Variants in OR9G4 observed in about 807,000 individuals in gnomAD.
The protein encoded by OR9G4 is olfactory receptor family 9 subfamily G member 4.
In OR9G4, 19 loss-of-function variants were observed where a neutral mutation model predicts 16.7. The observed-to-expected ratio is 1.14, with a 90% CI of 0.79 to 1.67. OR9G4 has a LOEUF of 1.67. Among genes scored for constraint, OR9G4 ranks in the 40% most tolerant of loss-of-function variants. OR9G4 has a pLI of 0.00. For synonymous variants in OR9G4, 182 were observed against 146.2 expected, an observed-to-expected ratio of 1.24 and a Z score of -1.76; for missense variants, 428 against 370.4, an observed-to-expected ratio of 1.16 and a Z score of -1.28.
rs754818926 is a variant in OR9G4 at position 56,742,912 on chromosome 11, G to A, written c.855C>T (p.Leu285=). 2.5e-6 allele frequency: 4 copies of A among 1,614,052 alleles called. No homozygotes were observed. The Admixed American group carries it at 5.0e-5, about 20-fold the overall frequency. Residue 285 remains leucine, a synonymous_variant, in exon 2 of 2, where the codon CTC becomes CTT. Transcript: ENST00000641668. The part of the protein sequence containing the change: ...ALFYTVINPL[L]NPLIYSLRNK... ...TTCTCAGGCTATAGATGAGAGGGTT[G>A]AGCAGTGGGTTGATCACGGTGTAGA...
chr11:56,747,875 T>C (rs1180933245), intron 1 of OR9G4, among the ~76,000 whole-genome samples: 1 of 152,092 alleles, frequency 6.6e-6, no homozygotes, highest in Non-Finnish European at 1.5e-5. Flanking sequence ...AGGGCTTCAC[T>C]ATGTTGGCCA....
chr11:56,743,507 G>A lies in OR9G4; in HGVS notation c.260C>T (p.Ser87Leu), dbSNP rs1248872445. The A allele has an allele frequency of 6.2e-7, 1 of 1,614,156 alleles. No homozygotes were observed. Among genetic ancestry groups the A allele is most frequent in the Non-Finnish European group, 8.5e-7 (1 of 1,180,024 alleles). The change falls in exon 2 of 2, where the codon TCA becomes TTA. Residue 87 changes from serine (S) to leucine (L), a missense_variant. By Grantham distance (145) the Ser-to-Leu change is moderately radical. Coordinates refer to ENST00000641668, the MANE Select transcript of OR9G4 (RefSeq NM_001005284.2). Reference protein sequence around the residue: ...YTPKILASCVSEDKRISLAGC... With the variant: ...YTPKILASCVLEDKRISLAGC... ...AGCCAAGGAAATGCGCTTATCTTCT[G>A]AGACACAACTGGCCAGGATTTTGGG...
intron 1 of OR9G4, among the ~76,000 whole-genome samples, chr11:56,746,029 C>T (rs1858406223): frequency 6.6e-6 from 1 of 152,020 alleles, no homozygotes. Context: ...CGCGGTGGCT[C>T]ACGCCTGTAA....
Position 56,743,495 on chromosome 11 carries a change from C to A in OR9G4, c.272G>T (p.Arg91Leu), listed in dbSNP as rs754042645. 5.6e-6 allele frequency: 9 copies of A among 1,614,014 alleles called. No individual in the cohort carries two copies. The highest frequency in any genetic ancestry group is 1.3e-5 in the African/African-American group (1 of 74,904). Residue 91 changes from arginine to leucine, a missense_variant, in exon 2 of 2, where the codon CGC becomes CTC. Transcript: ENST00000641668. Reference protein sequence around the residue: ...ILASCVSEDKRISLAGCGAQL... With the variant: ...ILASCVSEDKLISLAGCGAQL... ...AGCCCCACATCCAGCCAAGGAAATG[C>A]GCTTATCTTCTGAGACACAACTGGC...
In OR9G4 at chr11:56,743,744, A is replaced by G. The variant is rs1247649793; in HGVS notation, c.23T>C (p.Ile8Thr). 6.2e-7 allele frequency: 1 copy of G among 1,613,984 alleles called. No homozygotes were observed. Among genetic ancestry groups the G allele is most frequent in the Non-Finnish European group, 8.5e-7 (1 of 1,179,970 alleles). ...ACCCAACAAGATGAATTCAGTCAGG[A>G]TGGTGCAATTTCCCACTTCCATGTC... MEVGNCT[I>T]LTEFILLGFS... Residue 8 changes from isoleucine (I) to threonine (T), a missense_variant, in exon 2 of 2, where the codon ATC becomes ACC. Transcript: ENST00000641668.
Position 56,742,091 on chromosome 11 carries a change from G to C in OR9G4, c.*737C>G, listed in dbSNP as rs980277339. 11 of 152,278 alleles carry C rather than the reference G, an allele frequency of 7.2e-5. No homozygotes were observed. The highest frequency in any genetic ancestry group is 1.6e-4 in the Non-Finnish European group (11 of 68,106). The allele number at this position is 152,278 out of a possible 1,614,324, so 9.4% of individuals were successfully genotyped here. ...AAGAGAAAGGTAACTAGGGAACAGT[G>C]GTTACTATTGTTGTTCATTTGTTTT... On this transcript the variant is annotated 3_prime_UTR_variant, in exon 2 of 2. Coordinates refer to ENST00000641668, the MANE Select transcript of OR9G4 (RefSeq NM_001005284.2).
Position 56,743,379 on chromosome 11 carries a change from A to G in OR9G4, c.388T>C (p.Leu130=). The part of the protein sequence containing the change: ...YDRHAAICNP[L]LYSGTMSTAL... ...GTGGACATGGTACCTGAATAAAGCA[A>G]TGGGTTACAAATTGCTGCATGGCGG... Residue 130 remains leucine (L), a synonymous_variant, in exon 2 of 2, where the codon TTG becomes CTG. Coordinates refer to ENST00000641668, the MANE Select transcript of OR9G4 (RefSeq NM_001005284.2). The G allele has an allele frequency of 6.2e-7, 1 of 1,614,126 alleles. No individual in the cohort carries two copies. Among genetic ancestry groups the G allele is most frequent in the Non-Finnish European group, 8.5e-7 (1 of 1,180,006 alleles).
At chr11:56,744,394 A>C (rs1858371452) in intron 1 of OR9G4, among the ~76,000 whole-genome samples, 1 of 152,192 alleles carries the variant, frequency 6.6e-6, no homozygotes, top group Non-Finnish European at 1.5e-5. Context: ...TGAATAAATA[A>C]AACATACATA....
intron 1 of OR9G4, among the ~76,000 whole-genome samples, chr11:56,744,301 G>A (rs949975082): frequency 3.3e-5 from 5 of 152,064 alleles, no homozygotes; most frequent in African/African-American, 9.7e-5. Flanking sequence ...TGATCCACCC[G>A]CCTCAGCCTC....
In OR9G4 at chr11:56,743,011, A is replaced by C. The variant is rs151180494; in HGVS notation, c.756T>G (p.Tyr252Ter). ...TTGAATACATAAACAACAATGATCC[A>C]TAGAAGAGCATGACTGAGATGAGGT... ...ASHLISVMLFYGSLLFMYSRP... is the reference protein window; with the variant it reads ...ASHLISVMLF Residue 252 changes from tyrosine to a stop codon, truncating the protein, a stop_gained, in exon 2 of 2, where the codon TAT becomes TAG. Coordinates refer to ENST00000641668, the MANE Select transcript of OR9G4 (RefSeq NM_001005284.2). LOFTEE classifies it high-confidence loss of function. The C allele has an allele frequency of 6.2e-7, 1 of 1,614,088 alleles. No individual in the cohort carries two copies.
In OR9G4 at chr11:56,743,278, T is replaced by C; in HGVS notation, c.489A>G (p.Thr163=). 4 of 1,614,078 alleles carry C rather than the reference T, an allele frequency of 2.5e-6. No individual in the cohort carries two copies. Among genetic ancestry groups the C allele is most frequent in the Non-Finnish European group, 3.4e-6 (4 of 1,180,018 alleles). ...FLNAIAHTAN[T]FRLHFCGKNI... is the part of the protein sequence containing the mutation. The stretch of plus-strand genomic sequence containing the variant: ...TTTTACCACAAAAATGCAGGCGGAA[T>C]GTATTGGCAGTATGGGCTATGGCAT... The change falls in exon 2 of 2, where the codon ACA becomes ACG. Residue 163 remains threonine, a synonymous_variant. Transcript: ENST00000641668.
In OR9G4 at chr11:56,742,941, G is replaced by C. The variant is rs770562888; in HGVS notation, c.826C>G (p.Leu276Val). Reference protein sequence around the residue: ...YSLERDKVAALFYTVINPLLN... With the variant: ...YSLERDKVAAVFYTVINPLLN... Reference sequence around the variant, plus strand: ...AGTGGGTTGATCACGGTGTAGAACAGAGCAGCTACTTTGTCCCTCTCTAGG... The same window carrying C: ...AGTGGGTTGATCACGGTGTAGAACACAGCAGCTACTTTGTCCCTCTCTAGG... The change falls in exon 2 of 2, where the codon CTG (leucine) becomes GTG (valine). Residue 276 changes from leucine (L) to valine (V), a missense_variant. By Grantham distance (32) the Leu-to-Val change is conservative (BLOSUM62 1). Coordinates refer to ENST00000641668, the MANE Select transcript of OR9G4 (RefSeq NM_001005284.2). 1.1e-5 allele frequency: 17 copies of C among 1,613,980 alleles called. No homozygotes were observed. Among genetic ancestry groups the C allele is most frequent in the Non-Finnish European group, 1.4e-5 (16 of 1,180,006 alleles).
chr11:56,743,517 T>A lies in OR9G4; in HGVS notation c.250A>T (p.Ser84Cys). Reference protein sequence around the residue: ...TSVYTPKILASCVSEDKRISL... With the variant: ...TSVYTPKILACCVSEDKRISL... The stretch of plus-strand genomic sequence containing the variant: ...ATGCGCTTATCTTCTGAGACACAAC[T>A]GGCCAGGATTTTGGGGGTATACACA... The change falls in exon 2 of 2, where the codon AGT (serine) becomes TGT (cysteine). Residue 84 changes from serine (S) to cysteine (C), a missense_variant. Coordinates refer to ENST00000641668, the MANE Select transcript of OR9G4 (RefSeq NM_001005284.2). The A allele has an allele frequency of 6.2e-7, 1 of 1,614,002 alleles. No homozygotes were observed. The highest frequency in any genetic ancestry group is 8.5e-7 in the Non-Finnish European group (1 of 1,180,006).
intron 1 of OR9G4, among the ~76,000 whole-genome samples, chr11:56,747,255 T>A (rs11228766): frequency 0.24 from 36,046 of 151,536 alleles, 5,632 homozygotes; most frequent in East Asian, 0.6. Flanking sequence ...CTGTTCCCTC[T>A]GCCTGGAACA....
rs537834612 is a variant in OR9G4 at position 56,742,068 on chromosome 11, G to C, written c.*760C>G. ...TGTCTTTTGGTCAGGACAAAGGAAA[G>C]AGAAAGGTAACTAGGGAACAGTGGT... is the stretch of plus-strand genomic sequence containing the variant. On this transcript the variant is annotated 3_prime_UTR_variant, in exon 2 of 2. Transcript: ENST00000641668. 3.3e-5 allele frequency: 5 copies of C among 152,478 alleles called. No homozygotes were observed. The highest frequency in any genetic ancestry group is 1.2e-4 in the African/African-American group (5 of 41,586). The allele number at this position is 152,478 out of a possible 1,614,324, so 9.4% of individuals were successfully genotyped here.
intron 1 of OR9G4, chr11:56,744,019 A>G (rs1565065273): frequency 4.1e-6 from 2 of 490,714 alleles, no homozygotes; most frequent in Non-Finnish European, 3.5e-6. Context: ...CAAGACCCAT[A>G]TTCTCATCAA....
Position 56,742,869 on chromosome 11 carries a change from C to T in OR9G4, c.898G>A (p.Ala300Thr). ...ATAGTCTGTGTTGCTTTCCTGAAGG[C>T]CTCTTTGATATCTTTGTTTCTCAGG... ...YSLRNKDIKE[A>T]FRKATQTIQP... The change falls in exon 2 of 2, where the codon GCC becomes ACC. Residue 300 changes from alanine to threonine, a missense_variant. By Grantham distance (58) the Ala-to-Thr change is moderately conservative (BLOSUM62 0). Transcript: ENST00000641668. The T allele has an allele frequency of 1.2e-6, 2 of 1,613,966 alleles. No individual in the cohort carries two copies. Among genetic ancestry groups the T allele is most frequent in the Non-Finnish European group, 1.7e-6 (2 of 1,179,888 alleles).
chr11:56,743,327 C>T lies in OR9G4; in HGVS notation c.440G>A (p.Gly147Asp). Residue 147 changes from glycine to aspartate, a missense_variant, in exon 2 of 2, where the codon GGC becomes GAC. Coordinates refer to ENST00000641668, the MANE Select transcript of OR9G4 (RefSeq NM_001005284.2). ...STALCTGLVA[G>D]SYIGGFLNAI... ...ATTCAAAAATCCTCCTATGTAGGAG[C>T]CAGCAACAAGCCCAGTACAGAGGGC... The T allele has an allele frequency of 2.5e-6, 4 of 1,614,106 alleles. No homozygotes were observed. Among genetic ancestry groups the T allele is most frequent in the Non-Finnish European group, 2.5e-6 (3 of 1,180,030 alleles).
In OR9G4 at chr11:56,747,574, C is replaced by G. The variant is rs143108956; in HGVS notation, c.-23+1082G>C. Among the ~76,000 whole-genome samples the G allele has an allele frequency of 6.5e-3, 988 of 152,290 alleles. 15 individuals carry two copies. The highest frequency in any genetic ancestry group is 0.022 in the African/African-American group (923 of 41,556). Reference sequence around the variant, plus strand: ...TATTGCTGTATTCCAGCACAAAGAACAGTTCCTAGTCATGAATTAGCACTC... The same window carrying G: ...TATTGCTGTATTCCAGCACAAAGAAGAGTTCCTAGTCATGAATTAGCACTC... On this transcript the variant is annotated intron_variant, in intron 1 of 1. Coordinates refer to ENST00000641668, the MANE Select transcript of OR9G4 (RefSeq NM_001005284.2).
Sources: gnomAD v4.1 joint callset for allele counts (sites outside exome capture counted in the v4.1 genomes callset) on GRCh38, gnomAD v4.1.1 for gene constraint, MANE v1.5 for transcripts, NCBI Gene and HGNC (gene_info 2026-07-23, HGNC 2026-07-21) for gene names.